Variants in TRIM67 observed in about 807,000 individuals in gnomAD.
TRIM67 encodes tripartite motif-containing protein 67.
A neutral mutation model predicts 71.0 loss-of-function variants in TRIM67; 39 were observed. The observed-to-expected ratio is 0.55, with a 90% CI of 0.43 to 0.72. The LOEUF (loss-of-function observed/expected upper bound fraction) is 0.72. TRIM67 is among the 30% of genes least tolerant of loss of function. The pLI, the probability that TRIM67 is intolerant of heterozygous loss-of-function variation, is 0.00. For synonymous variants in TRIM67, 481 were observed against 473.9 expected (o/e 1.01, Z -0.19); for missense variants, 973 against 1,079.2 (o/e 0.90, Z 1.38).
In TRIM67 at chr1:231,204,019, C is replaced by G. The variant is rs575370199; in HGVS notation, c.1680+7C>G. On this transcript the variant is annotated splice_region_variant and intron_variant, in intron 6 of 9. Coordinates refer to ENST00000366653, the MANE Select transcript of TRIM67 (RefSeq NM_001004342.5). ...TGCCGGGGGACAGTTCCGGGTGAGG[C>G]CTTGCTGCTTATTTGGCGGGGATTG... 26 of 1,613,516 alleles carry G rather than the reference C, an allele frequency of 1.6e-5. No individual in the cohort carries two copies. Among genetic ancestry groups the G allele is most frequent in the Non-Finnish European group, 5.9e-6 (7 of 1,179,698 alleles).
chr1:231,165,384 G>A (rs542537852), intron 1 of TRIM67, among the ~76,000 whole-genome samples: 12 of 152,230 alleles, frequency 7.9e-5, no homozygotes, highest in African/African-American at 1.2e-4. Context: ...AGACAATTGC[G>A]GTAAGGATTA....
intron 1 of TRIM67, among the ~76,000 whole-genome samples, chr1:231,164,631 C>G (rs987423308): frequency 1.3e-5 from 2 of 152,180 alleles, no homozygotes; most frequent in African/African-American, 4.8e-5. Context: ...GGGAAGGACC[C>G]CTAACCGCCT....
chr1:231,162,778 C>T lies in TRIM67; in HGVS notation c.-192C>T, dbSNP rs1395089327. The T allele has an allele frequency of 1.5e-6, 1 of 682,296 alleles. No individual in the cohort carries two copies. The highest frequency in any genetic ancestry group is 2.3e-6 in the Non-Finnish European group (1 of 429,236). The allele number at this position is 682,296 out of a possible 1,614,324, so 42.3% of individuals were successfully genotyped here. ...TGAGGACCCCCTCCCTTCTCTCGCC[C>T]CTCAATCATCTTAGGGCGGTGGCTA... On this transcript the variant is annotated 5_prime_UTR_variant, in exon 1 of 10. Coordinates refer to ENST00000366653, the MANE Select transcript of TRIM67 (RefSeq NM_001004342.5).
At chr1:231,192,410 G>A (rs1284860640) in intron 1 of TRIM67, among the ~76,000 whole-genome samples, 1 of 151,982 alleles carries the variant, frequency 6.6e-6, no homozygotes, top group Non-Finnish European at 1.5e-5. Context: ...AAACTCCTGG[G>A]TTCAAGCAAT....
At chr1:231,195,210 G>A (rs60289905) in intron 1 of TRIM67, among the ~76,000 whole-genome samples, 2 of 152,208 alleles carry the variant, frequency 1.3e-5, no homozygotes, top group African/African-American at 2.4e-5. Context: ...GTGACCTGTA[G>A]GTTATCAGAT....
chr1:231,200,045 C>A, intron 3 of TRIM67, 103 bp from the exon 4 acceptor site: 1 of 830,368 alleles, frequency 1.2e-6, no homozygotes, highest in Non-Finnish European at 2.0e-6. Context: ...AGGCCAGCGC[C>A]GCCTCTTCCA....
intron 1 of TRIM67, among the ~76,000 whole-genome samples, chr1:231,183,834 G>A (rs1433749157): frequency 6.6e-6 from 1 of 152,106 alleles, no homozygotes; most frequent in Non-Finnish European, 1.5e-5. Context: ...AGGAAAATGA[G>A]GGCAGGGAGA....
chr1:231,215,920 C>T lies in TRIM67; in HGVS notation c.*480C>T, dbSNP rs1344242790. On this transcript the variant is annotated 3_prime_UTR_variant, in exon 10 of 10. Coordinates refer to ENST00000366653, the MANE Select transcript of TRIM67 (RefSeq NM_001004342.5). ...TCAGAGTCCCGAGATTGCAGATTCTCATCATGCTGAGAAAGTTATCTTTTA... is the reference window on the plus strand; with the variant it reads ...TCAGAGTCCCGAGATTGCAGATTCTTATCATGCTGAGAAAGTTATCTTTTA... 2 of 989,534 alleles carry T rather than the reference C, an allele frequency of 2.0e-6. No individual in the cohort carries two copies. The highest frequency in any genetic ancestry group is 4.7e-5 in the South Asian group (1 of 21,344). 61.3% of individuals were successfully genotyped at this position (989,534 alleles called of 1,614,324 possible). A position where few individuals can be genotyped will look rare whatever the true frequency, so the allele number is the denominator to read the frequency against.
At chr1:231,164,311 G>A (rs1033254335) in intron 1 of TRIM67, among the ~76,000 whole-genome samples, 9 of 152,166 alleles carry the variant, frequency 5.9e-5, no homozygotes, top group Admixed American at 3.9e-4. Flanking sequence ...CAGACACAGG[G>A]CTCTTTTACT....
In TRIM67 at chr1:231,163,791, C is replaced by G; in HGVS notation, c.822C>G (p.Ala274=). 1 of 1,489,258 alleles carries G rather than the reference C, an allele frequency of 6.7e-7. No individual in the cohort carries two copies. The highest frequency in any genetic ancestry group is 9.0e-7 in the Non-Finnish European group (1 of 1,116,170). The allele number at this position is 1,489,258 out of a possible 1,614,324, so 92.3% of individuals were successfully genotyped here. A position where few individuals can be genotyped will look rare whatever the true frequency, so the allele number is the denominator to read the frequency against. ...ASGPTGTAQG[A]PSGGGGCKSP... ...GGCCCACTGGCACCGCCCAGGGCGC[C>G]CCCAGCGGAGGCGGCGGCTGCAAGA... is the stretch of plus-strand genomic sequence containing the variant. Residue 274 remains alanine, a synonymous_variant, in exon 1 of 10, where the codon GCC becomes GCG. Transcript: ENST00000366653.
intron 1 of TRIM67, among the ~76,000 whole-genome samples, chr1:231,193,580 T>C (rs1279969915): frequency 1.5e-5 from 2 of 136,206 alleles, no homozygotes; most frequent in Non-Finnish European, 3.1e-5. Context: ...GGAAAATCCA[T>C]GCATCTTAGT....
chr1:231,219,347 G>C lies in TRIM67; in HGVS notation c.*3907G>C. On this transcript the variant is annotated 3_prime_UTR_variant, in exon 10 of 10. Coordinates refer to ENST00000366653, the MANE Select transcript of TRIM67 (RefSeq NM_001004342.5). ...AGGTATCTCCTGGGGGCCTCCACAA[G>C]TTGAGAACCACCAGGTTATGCCAGT... 1 of 987,320 alleles carries C rather than the reference G, an allele frequency of 1.0e-6. No homozygotes were observed. The highest frequency in any genetic ancestry group is 1.2e-6 in the Non-Finnish European group (1 of 831,266). 61.2% of individuals were successfully genotyped at this position (987,320 alleles called of 1,614,324 possible).
At chr1:231,180,795 G>A (rs1201988181) in intron 1 of TRIM67, among the ~76,000 whole-genome samples, 1 of 152,202 alleles carries the variant, frequency 6.6e-6, no homozygotes, top group Admixed American at 6.5e-5. Flanking sequence ...TCTGAATGCG[G>A]AGGCCATGTT....
Position 231,192,162 on chromosome 1 carries a change from A to G in TRIM67, c.1045-5209A>G, listed in dbSNP as rs189864928. Among the ~76,000 whole-genome samples, 522 of 151,980 alleles carry G rather than the reference A, an allele frequency of 3.4e-3. 2 individuals carry two copies. The highest frequency in any genetic ancestry group is 4.0e-3 in the Non-Finnish European group (275 of 67,962). The stretch of plus-strand genomic sequence containing the variant: ...GCACTCCAGCCTGAGTGGCAGAGAA[A>G]GCTCTCCAGATCTCCATCTGTCTCT... On this transcript the variant is annotated intron_variant, in intron 1 of 9. Transcript: ENST00000366653.
rs1216803969 is a variant in TRIM67 at position 231,209,132 on chromosome 1, G to A, written c.2005G>A (p.Gly669Arg). ...CGACAACCACCCAGACCCCGCCTTC[G>A]GGGTGGCCAGGGCCAGCGTGGTCAA... The part of the protein sequence containing the change: ...RYDNHPDPAF[G>R]VARASVVKDM... Residue 669 changes from glycine to arginine, a missense_variant, in exon 8 of 10, where the codon GGG (glycine) becomes AGG (arginine). This residue lies in a region of TRIM67 where 178 missense variants were observed against 247.9 expected (regional missense o/e 0.72). Transcript: ENST00000366653. The surrounding 1 kb of genome is among the most constrained non-coding windows in gnomAD (Gnocchi z 4.1). 5.6e-6 allele frequency: 9 copies of A among 1,613,818 alleles called. No homozygotes were observed. The highest frequency in any genetic ancestry group is 1.3e-5 in the African/African-American group (1 of 74,928).
intron 1 of TRIM67, chr1:231,186,137 G>T: frequency 6.5e-7 from 1 of 1,533,226 alleles, no homozygotes; most frequent in South Asian, 1.2e-5. Flanking sequence ...AATGGATGAA[G>T]GGCTTGACAG....
intron 1 of TRIM67, chr1:231,186,140 C>T: frequency 6.5e-7 from 1 of 1,532,102 alleles, no homozygotes; most frequent in Non-Finnish European, 8.7e-7. Context: ...GGATGAAGGG[C>T]TTGACAGCCA....
chr1:231,203,815 C>T, intron 5 of TRIM67, 52 bp from the exon 6 acceptor site: 1 of 1,578,690 alleles, frequency 6.3e-7, no homozygotes, highest in Non-Finnish European at 8.6e-7. Flanking sequence ...GGGGACCGGG[C>T]TGGGGCCCTC....
rs1401447470 is a variant in TRIM67, at chr1:231,219,689, C to A, written c.*4249C>A. On this transcript the variant is annotated 3_prime_UTR_variant, in exon 10 of 10. Transcript: ENST00000366653. ...CAGGAACTTCTTAATGGGTTTGTGGCCCTCAATTGGTTTTTAAAAAAATCT... is the reference window on the plus strand; with the variant it reads ...CAGGAACTTCTTAATGGGTTTGTGGACCTCAATTGGTTTTTAAAAAAATCT... The A allele has an allele frequency of 6.8e-6, 8 of 1,183,872 alleles. No individual in the cohort carries two copies. Among genetic ancestry groups the A allele is most frequent in the African/African-American group, 4.8e-5 (3 of 62,278 alleles). The allele number at this position is 1,183,872 out of a possible 1,614,324, so 73.3% of individuals were successfully genotyped here. A position where few individuals can be genotyped will look rare whatever the true frequency, so the allele number is the denominator to read the frequency against.
Sources: allele counts gnomAD v4.1 joint callset (sites outside exome capture counted in the v4.1 genomes callset), GRCh38; gene constraint gnomAD v4.1.1; regional missense constraint gnomAD v4.1.1; non-coding constraint Gnocchi (gnomAD v3.1); transcripts MANE v1.5; gene names NCBI Gene and HGNC (gene_info 2026-07-23, HGNC 2026-07-21).